The following HIPK3 variants were observed in gnomAD, a reference collection of about 807,000 sequenced individuals.
HIPK3 encodes the protein homeodomain-interacting protein kinase 3.
In HIPK3, 47 loss-of-function variants were observed where a neutral mutation model predicts 124.2. The observed-to-expected ratio is 0.38, with a 90% confidence interval of 0.30 to 0.48. The LOEUF (loss-of-function observed/expected upper bound fraction) is 0.48. Ranked by LOEUF, HIPK3 falls within the 20% of genes least tolerant of loss-of-function variation. The pLI, the probability that HIPK3 is intolerant of heterozygous loss-of-function variation, is 0.98. For synonymous variants in HIPK3, 482 were observed against 515.2 expected (o/e 0.94, Z 0.87); for missense variants, 1,286 against 1,454.3 (o/e 0.88, Z 1.88).
intron 1 of HIPK3, among the ~76,000 whole-genome samples, chr11:33,283,802 G>A (rs1238265657): frequency 6.6e-6 from 1 of 151,924 alleles, no homozygotes; most frequent in Non-Finnish European, 1.5e-5. Context: ...AGCCTCTCCA[G>A]TGGCTAGGAT....
At chr11:33,265,448 A>G (rs1362682626) in intron 1 of HIPK3, among the ~76,000 whole-genome samples, 1 of 152,210 alleles carries the variant, frequency 6.6e-6, no homozygotes, top group East Asian at 1.9e-4. Flanking sequence ...TTTTATTATG[A>G]CGGGTAATGA....
intron 14 of HIPK3, 21 bp downstream of exon 14, chr11:33,349,308 G>C (rs750805615): frequency 3.8e-6 from 6 of 1,594,294 alleles, no homozygotes; most frequent in Non-Finnish European, 5.1e-6. Context: ...CTCAATAGTA[G>C]TGTGTAATAA....
chr11:33,271,780 A>G (rs781318922), intron 1 of HIPK3, among the ~76,000 whole-genome samples: 1 of 152,128 alleles, frequency 6.6e-6, no homozygotes, highest in Non-Finnish European at 1.5e-5. Flanking sequence ...TTTCTTTTTT[A>G]TACATTGATG....
intron 3 of HIPK3, 84 bp downstream of exon 3, chr11:33,328,717 C>T: frequency 1.6e-6 from 2 of 1,214,558 alleles, no homozygotes; most frequent in East Asian, 2.4e-5. Context: ...TGCAGGTGTA[C>T]AATACACTGG....
At chr11:33,340,223 A>G (rs892006319) in intron 6 of HIPK3, among the ~76,000 whole-genome samples, 22 of 152,270 alleles carry the variant, frequency 1.4e-4, no homozygotes, top group African/African-American at 5.3e-4. Context: ...AGCTGGGACT[A>G]CAGGCATACG....
At chr11:33,288,480 A>G (rs976540089) in intron 2 of HIPK3, among the ~76,000 whole-genome samples, 1 of 152,078 alleles carries the variant, frequency 6.6e-6, no homozygotes, top group Non-Finnish European at 1.5e-5. Context: ...AAACACAAAT[A>G]TACTTCTTTG....
Position 33,278,281 on chromosome 11 carries a change from A to G in HIPK3, c.-2-8132A>G, listed in dbSNP as rs538216717. ...TATAATTTTACTAGAAAGAGGAACT[A>G]GAATTTAGCCAAGAATATTGGCAGG... On this transcript the variant is annotated intron_variant, in intron 1 of 16. Transcript: ENST00000303296. 9.2e-5 allele frequency among the ~76,000 whole-genome samples: 14 copies of G among 152,346 alleles called. No individual in the cohort carries two copies. In the South Asian group the frequency reaches 2.7e-3, roughly 29 times the overall value.
rs568732521 is a variant in HIPK3 at position 33,257,421 on chromosome 11, A to T, written c.-471A>T. Reference sequence around the variant, plus strand: ...AGTGACGACTGCCGGCATCGCGGCGACCTGAGGAGATCAAGCCGCAGGCCC... The same window carrying T: ...AGTGACGACTGCCGGCATCGCGGCGTCCTGAGGAGATCAAGCCGCAGGCCC... On this transcript the variant is annotated 5_prime_UTR_variant, in exon 1 of 17. Coordinates refer to ENST00000303296, the MANE Select transcript of HIPK3 (RefSeq NM_005734.5). 2.4e-3 allele frequency: 2,360 copies of T among 984,826 alleles called. 45 individuals are homozygous for T. In the African/African-American group the frequency reaches 0.037, roughly 15 times the overall value. 61.0% of individuals were successfully genotyped at this position (984,826 alleles called of 1,614,324 possible).
chr11:33,350,798 T>C (rs190701566), intron 14 of HIPK3, among the ~76,000 whole-genome samples: 3 of 152,328 alleles, frequency 2.0e-5, no homozygotes, highest in Admixed American at 1.3e-4. Flanking sequence ...AAATATGATA[T>C]TGCATTCTTA....
upstream of HIPK3, chr11:33,256,837 C>G (rs1850677718): frequency 3.0e-6 from 1 of 331,746 alleles, no homozygotes; most frequent in African/African-American, 2.2e-5. Flanking sequence ...GTCCTTGAAC[C>G]TGGCTTTACA....
At chr11:33,330,465 A>T (rs1428512331) in intron 3 of HIPK3, among the ~76,000 whole-genome samples, 7 of 152,152 alleles carry the variant, frequency 4.6e-5, no homozygotes, top group Admixed American at 1.3e-4. Context: ...AGTAGCTGGG[A>T]TTACAGGCAC....
At chr11:33,326,684 TC>T (rs1314494126) in intron 2 of HIPK3, among the ~76,000 whole-genome samples, 3 of 150,486 alleles carry the variant, frequency 2.0e-5, no homozygotes, top group East Asian at 3.9e-4. Flanking sequence ...TTTTTTTTTT[TC>T]CCCCGAGACA....
intron 3 of HIPK3, among the ~76,000 whole-genome samples, chr11:33,330,217 A>G (rs1852932806): frequency 6.6e-6 from 1 of 152,202 alleles, no homozygotes; most frequent in South Asian, 2.1e-4. Flanking sequence ...TCTGATCCAG[A>G]TTGACAATGT....
rs528623750 is a variant in HIPK3, at chr11:33,258,348, A to G, written c.-3+459A>G. 3.0e-6 allele frequency: 3 copies of G among 985,388 alleles called. No individual in the cohort carries two copies. The African/African-American group carries it at 5.2e-5, about 17-fold the overall frequency. 61.0% of individuals were successfully genotyped at this position (985,388 alleles called of 1,614,324 possible). On this transcript the variant is annotated intron_variant, in intron 1 of 16. Transcript: ENST00000303296. Reference sequence around the variant, plus strand: ...CCTTTCCTTTCATTAAGGGGAACAAACAAACGCGCAGGCACGCAGCTTGAG... The same window carrying G: ...CCTTTCCTTTCATTAAGGGGAACAAGCAAACGCGCAGGCACGCAGCTTGAG...
intron 2 of HIPK3, among the ~76,000 whole-genome samples, chr11:33,327,268 A>G (rs191793576): frequency 4.9e-4 from 74 of 152,328 alleles, no homozygotes; most frequent in Middle Eastern, 3.4e-3. Flanking sequence ...ATAAGATACA[A>G]TGAGAAAACA....
chr11:33,283,724 A>C (rs917375306), intron 1 of HIPK3, among the ~76,000 whole-genome samples: 3 of 149,532 alleles, frequency 2.0e-5, no homozygotes, highest in Non-Finnish European at 4.5e-5. Flanking sequence ...GCCCAGGCTG[A>C]AGTACAGTGG....
chr11:33,324,434 A>G (rs913031252), intron 2 of HIPK3, among the ~76,000 whole-genome samples: 2 of 152,184 alleles, frequency 1.3e-5, no homozygotes, highest in African/African-American at 4.8e-5. Flanking sequence ...GACTTAGTGA[A>G]GAAATTTACT....
At chr11:33,293,344 A>G (rs772829126) in intron 2 of HIPK3, among the ~76,000 whole-genome samples, 2 of 152,122 alleles carry the variant, frequency 1.3e-5, no homozygotes, top group Non-Finnish European at 2.9e-5. Context: ...TGGCCAAATT[A>G]TTTCTCACCT....
intron 2 of HIPK3, among the ~76,000 whole-genome samples, chr11:33,307,638 C>A (rs1424725912): frequency 6.6e-6 from 1 of 151,146 alleles, no homozygotes; most frequent in Non-Finnish European, 1.5e-5. Context: ...GATCTCCTGA[C>A]CTCATGATCC....
Sources: allele counts gnomAD v4.1 joint callset (sites outside exome capture counted in the v4.1 genomes callset), GRCh38; gene constraint gnomAD v4.1.1; transcripts MANE v1.5; gene names NCBI Gene and HGNC (gene_info 2026-07-23, HGNC 2026-07-21).